LYRM4: variants seen among roughly 807,000 people sequenced by gnomAD.
LYRM4 encodes the protein LYR motif-containing protein 4.
In LYRM4, 9 loss-of-function variants were observed where a neutral mutation model predicts 11.7. That is an observed-to-expected ratio of 0.77 (90% CI 0.46 to 1.34). The LOEUF is 1.34. Among genes scored for constraint, LYRM4 ranks in the 40% most tolerant of loss-of-function variants. The pLI, the probability that LYRM4 is intolerant of heterozygous loss-of-function variation, is 0.00. For missense variants in LYRM4, 133 were observed against 112.5 expected (o/e 1.18, Z -0.82); for synonymous variants, 42 against 40.4 (o/e 1.04, Z -0.15).
intron 2 of LYRM4, among the ~76,000 whole-genome samples, chr6:5,145,126 G>A (rs1023936122): frequency 3.3e-5 from 5 of 152,182 alleles, no homozygotes; most frequent in South Asian, 2.1e-4. Flanking sequence ...CACCAACCTG[G>A]CATTTCACAC....
intron 2 of LYRM4, among the ~76,000 whole-genome samples, chr6:5,189,025 T>A (rs1361404091): frequency 6.6e-6 from 1 of 152,220 alleles, no homozygotes; most frequent in Non-Finnish European, 1.5e-5. Context: ...CCTCCCAAAG[T>A]GCTGTGATTA....
At chr6:5,032,801 C>G in the LYRM4 span, 1 of 152,120 alleles carries the variant, frequency 6.6e-6, no homozygotes, top group African/African-American at 2.4e-5. Context: ...TTCCTTGCAG[C>G]CCAAATGTGC....
downstream of LYRM4, chr6:5,106,354 T>G (rs6923992): frequency 0.24 from 36,499 of 152,186 alleles, 4,937 homozygotes; most frequent in African/African-American, 0.37. Flanking sequence ...CTGCAGATGT[T>G]CAGGCTCTTT....
intron 2 of LYRM4, among the ~76,000 whole-genome samples, chr6:5,124,932 G>T (rs1180621869): frequency 6.6e-6 from 1 of 152,210 alleles, no homozygotes; most frequent in Non-Finnish European, 1.5e-5. Flanking sequence ...TGGTTTCGGT[G>T]TTTGTCTCTG....
intron 2 of LYRM4, among the ~76,000 whole-genome samples, chr6:5,209,237 G>A (rs915036559): frequency 2.0e-5 from 3 of 152,060 alleles, no homozygotes; most frequent in African/African-American, 7.2e-5. Context: ...AGGATTACAG[G>A]TGCCTGCAAC....
chr6:5,221,358 C>A (rs914144500), intron 1 of LYRM4, among the ~76,000 whole-genome samples: 12 of 152,238 alleles, frequency 7.9e-5, no homozygotes, highest in Non-Finnish European at 2.9e-5. Flanking sequence ...GCCTTTTGCA[C>A]TTGTCAACTA....
intron 2 of LYRM4, among the ~76,000 whole-genome samples, chr6:5,145,794 T>C (rs1475985596): frequency 6.6e-6 from 1 of 152,202 alleles, no homozygotes; most frequent in Non-Finnish European, 1.5e-5. Flanking sequence ...ACCAATGCTC[T>C]AGTAATATTG....
the LYRM4 span, chr6:5,066,841 A>G: frequency 1.2e-5 from 10 of 801,450 alleles, no homozygotes; most frequent in African/African-American, 1.4e-4. Context: ...AGCTGCGGAG[A>G]GGAGTCAGAC....
chr6:5,118,094 A>ATATTTTTTTT, intron 2 of LYRM4, among the ~76,000 whole-genome samples: 1 of 86,126 alleles, frequency 1.2e-5, no homozygotes, highest in Non-Finnish European at 2.4e-5. Flanking sequence ...ATATATATAT[A>ATATTTTTTTT]TTTTTGTTTT....
chr6:5,032,352 AT>A, the LYRM4 span: 2 of 152,330 alleles, frequency 1.3e-5, no homozygotes, highest in African/African-American at 4.8e-5. Flanking sequence ...TTTAGTTTTA[AT>A]AGCTCAACTT....
At chr6:5,086,725 C>T in the LYRM4 span, 4 of 631,284 alleles carry the variant, frequency 6.3e-6, no homozygotes, top group African/African-American at 7.4e-5. Context: ...GACTCGCACC[C>T]CCGCAGACAA....
intron 1 of LYRM4, among the ~76,000 whole-genome samples, chr6:5,227,616 C>T (rs1303512844): frequency 6.6e-6 from 1 of 152,118 alleles, no homozygotes; most frequent in East Asian, 1.9e-4. Flanking sequence ...CCATTTGACC[C>T]AGCAATCCCA....
At chr6:5,161,061 G>C (rs922396200) in intron 2 of LYRM4, among the ~76,000 whole-genome samples, 1 of 152,158 alleles carries the variant, frequency 6.6e-6, no homozygotes, top group Admixed American at 6.5e-5. Flanking sequence ...ACCCTACATT[G>C]ATAATACTAC....
intron 2 of LYRM4, chr6:5,113,284 C>T (rs1432250752): frequency 4.5e-6 from 2 of 445,534 alleles, no homozygotes; most frequent in Non-Finnish European, 4.5e-6. Flanking sequence ...AATATATAGG[C>T]CATGGTGGCA....
intron 2 of LYRM4, among the ~76,000 whole-genome samples, chr6:5,200,698 T>G (rs1188172726): frequency 6.6e-6 from 1 of 152,152 alleles, no homozygotes; most frequent in Non-Finnish European, 1.5e-5. Context: ...ACAAGGCCCC[T>G]CTCTAGTTCA....
rs1158533573 is a variant in LYRM4 at position 5,243,825 on chromosome 6, G to A, written c.86+16823C>T. Reference sequence around the variant, plus strand: ...GAAAATCGTTGGTGAAACAGATGGTGGCATCTTAATAAAACAAAGTATCTA... The same window carrying A: ...GAAAATCGTTGGTGAAACAGATGGTAGCATCTTAATAAAACAAAGTATCTA... On this transcript the variant is annotated intron_variant, in intron 1 of 2. Transcript: ENST00000330636. 2.0e-5 allele frequency among the ~76,000 whole-genome samples: 3 copies of A among 152,176 alleles called. 1 individual carries two copies. The highest frequency in any genetic ancestry group is 4.1e-4 in the South Asian group (2 of 4,828).
At chr6:5,129,858 C>A (rs545257186) in intron 2 of LYRM4, among the ~76,000 whole-genome samples, 3 of 152,194 alleles carry the variant, frequency 2.0e-5, no homozygotes, top group Admixed American at 1.3e-4. Flanking sequence ...GAGGGAGAAG[C>A]GAGAGCGCAA....
chr6:5,175,872 C>T (rs1048219837), intron 2 of LYRM4, among the ~76,000 whole-genome samples: 2 of 152,180 alleles, frequency 1.3e-5, no homozygotes, highest in Non-Finnish European at 2.9e-5. Context: ...GCCACACAGA[C>T]ATTCTGCTCT....
At chr6:5,243,498 GAA>G (rs1764005279) in intron 1 of LYRM4, among the ~76,000 whole-genome samples, 1 of 151,142 alleles carries the variant, frequency 6.6e-6, no homozygotes, top group Admixed American at 6.6e-5. Flanking sequence ...CATTCTTAAA[GAA>G]GAAGAAAAAA....
Sources: gnomAD v4.1 joint callset for allele counts (sites outside exome capture counted in the v4.1 genomes callset) on GRCh38, gnomAD v4.1.1 for gene constraint, MANE v1.5 for transcripts, NCBI Gene and HGNC (gene_info 2026-07-23, HGNC 2026-07-21) for gene names.